Variants in GPC6 observed in about 807,000 individuals in gnomAD.
The protein encoded by GPC6 is glypican-6.
In GPC6, 14 loss-of-function variants were observed where a neutral mutation model predicts 55.2. The observed-to-expected ratio is 0.25, with a 90% CI of 0.17 to 0.40. GPC6 has a LOEUF of 0.40. Among genes scored for constraint, GPC6 ranks in the 10% least tolerant of loss-of-function variants. The pLI is 1.00. For missense variants in GPC6, 641 were observed against 708.5 expected (o/e 0.90, Z 1.08); for synonymous variants, 278 against 259.6 (o/e 1.07, Z -0.68).
chr13:93,557,769 A>C (rs1358892854), intron 2 of GPC6, among the ~76,000 whole-genome samples: 1 of 152,216 alleles, frequency 6.6e-6, no homozygotes, highest in Non-Finnish European at 1.5e-5. Context: ...AAACTGAAGA[A>C]GTTTGGGGGC....
intron 6 of GPC6, among the ~76,000 whole-genome samples, chr13:94,380,008 A>G (rs1376698952): frequency 6.6e-6 from 1 of 152,218 alleles, no homozygotes; most frequent in East Asian, 1.9e-4. Flanking sequence ...ACGTTTGAGA[A>G]TAATTTAAAG....
intron 4 of GPC6, among the ~76,000 whole-genome samples, chr13:94,171,388 G>A (rs1888563912): frequency 6.6e-6 from 1 of 152,134 alleles, no homozygotes; most frequent in African/African-American, 2.4e-5. Context: ...GAAACATTAG[G>A]AGACTTTTCA....
chr13:94,243,640 C>G (rs1891118551), intron 4 of GPC6, among the ~76,000 whole-genome samples: 1 of 152,070 alleles, frequency 6.6e-6, no homozygotes, highest in Non-Finnish European at 1.5e-5. Flanking sequence ...CTGTCCTCCC[C>G]CTTTTAAAAC....
chr13:93,313,323 C>G (rs755070132), intron 1 of GPC6, among the ~76,000 whole-genome samples: 5 of 151,928 alleles, frequency 3.3e-5, no homozygotes, highest in Non-Finnish European at 5.9e-5. Flanking sequence ...TACTTCCAAT[C>G]TAGTATTTGA....
At chr13:93,885,049 G>A (rs531181889) in intron 3 of GPC6, among the ~76,000 whole-genome samples, 2 of 152,192 alleles carry the variant, frequency 1.3e-5, no homozygotes, top group Admixed American at 1.3e-4. Context: ...AATGTTAGAT[G>A]CTGGGTGGGC....
At chr13:94,047,654 T>A (rs1378507561) in intron 4 of GPC6, among the ~76,000 whole-genome samples, 1 of 152,160 alleles carries the variant, frequency 6.6e-6, no homozygotes, top group Non-Finnish European at 1.5e-5. Flanking sequence ...AAATATTCAT[T>A]GTAATAAAGA....
At chr13:93,634,785 T>C (rs142073965) in intron 2 of GPC6, among the ~76,000 whole-genome samples, 46 of 152,296 alleles carry the variant, frequency 3.0e-4, no homozygotes, top group African/African-American at 9.6e-4. Flanking sequence ...GAACTTTTAC[T>C]TATGTCTCAT....
intron 1 of GPC6, among the ~76,000 whole-genome samples, chr13:93,442,735 C>A (rs1467610616): frequency 6.6e-6 from 1 of 152,062 alleles, no homozygotes; most frequent in Non-Finnish European, 1.5e-5. Flanking sequence ...TTAAGACAAT[C>A]TTTGATTTAA....
Position 93,603,059 on chromosome 13 carries a change from G to A in GPC6, c.319+57638G>A, listed in dbSNP as rs547380821. 2.6e-5 allele frequency among the ~76,000 whole-genome samples: 4 copies of A among 151,284 alleles called. No homozygotes were observed. The East Asian group carries it at 7.8e-4, about 29-fold the overall frequency. Reference sequence around the variant, plus strand: ...AGTTCTCCATATGTTACCCAGGCTGGAGTGCAGTGGCACCATCACAGCTCA... The same window carrying A: ...AGTTCTCCATATGTTACCCAGGCTGAAGTGCAGTGGCACCATCACAGCTCA... On this transcript the variant is annotated intron_variant, in intron 2 of 8. Transcript: ENST00000377047.
chr13:93,648,931 T>C (rs1042202478), intron 2 of GPC6, among the ~76,000 whole-genome samples: 1 of 152,186 alleles, frequency 6.6e-6, no homozygotes, highest in African/African-American at 2.4e-5. Flanking sequence ...TCACTGTAAA[T>C]GTCAAAGTAC....
At chr13:93,458,653 A>G (rs1305185388) in intron 1 of GPC6, among the ~76,000 whole-genome samples, 1 of 152,202 alleles carries the variant, frequency 6.6e-6, no homozygotes, top group Non-Finnish European at 1.5e-5. Flanking sequence ...GGTAATGGGA[A>G]CTAGAAGCTT....
chr13:94,149,144 A>G (rs1413992113), intron 4 of GPC6, among the ~76,000 whole-genome samples: 1 of 152,156 alleles, frequency 6.6e-6, no homozygotes, highest in East Asian at 1.9e-4. Flanking sequence ...CTGAAATAGC[A>G]TTTTAGTCAT....
At chr13:93,347,572 A>G (rs566422454) in intron 1 of GPC6, among the ~76,000 whole-genome samples, 125 of 152,208 alleles carry the variant, frequency 8.2e-4, no homozygotes, top group African/African-American at 2.9e-3. Flanking sequence ...CATCGAGTCT[A>G]ATGCTTCCTA....
chr13:94,353,746 T>C (rs1878664966), intron 6 of GPC6, among the ~76,000 whole-genome samples: 1 of 152,222 alleles, frequency 6.6e-6, no homozygotes. Context: ...ACAGAGCTAA[T>C]TAAATTTCTT....
chr13:94,322,731 G>A (rs576195921), intron 6 of GPC6, among the ~76,000 whole-genome samples: 1 of 151,992 alleles, frequency 6.6e-6, no homozygotes, highest in African/African-American at 2.4e-5. Context: ...ATACAAAATT[G>A]GCCATATTTG....
At chr13:93,903,560 A>T (rs897239290) in intron 3 of GPC6, among the ~76,000 whole-genome samples, 1 of 152,164 alleles carries the variant, frequency 6.6e-6, no homozygotes, top group Non-Finnish European at 1.5e-5. Context: ...TTGTAGCATA[A>T]ACTTTAAGAG....
intron 2 of GPC6, among the ~76,000 whole-genome samples, chr13:93,775,330 A>G (rs1885433165): frequency 6.6e-6 from 1 of 152,134 alleles, no homozygotes. Flanking sequence ...AACTATGTAA[A>G]AGACTTTACA....
chr13:94,326,992 C>T (rs892320274), intron 6 of GPC6, among the ~76,000 whole-genome samples: 2 of 152,208 alleles, frequency 1.3e-5, no homozygotes, highest in African/African-American at 2.4e-5. Flanking sequence ...TCAACAATAA[C>T]GTTCTCAAGG....
Position 93,504,078 on chromosome 13 carries a change from A to C in GPC6, c.161-41185A>C, listed in dbSNP as rs138361863. ...GTGCATTTTACTTACTTTTCAAACT[A>C]TAAAGAAAGAGTACAACATTAAGGT... On this transcript the variant is annotated intron_variant, in intron 1 of 8. Transcript: ENST00000377047. Among the ~76,000 whole-genome samples the C allele has an allele frequency of 4.9e-4, 75 of 152,308 alleles. 1 individual carries two copies. Among genetic ancestry groups the C allele is most frequent in the African/African-American group, 1.7e-3 (71 of 41,590 alleles).
Sources: allele counts gnomAD v4.1 joint callset (sites outside exome capture counted in the v4.1 genomes callset), GRCh38; gene constraint gnomAD v4.1.1; transcripts MANE v1.5; gene names NCBI Gene and HGNC (gene_info 2026-07-23, HGNC 2026-07-21).